GPRC5A: variants seen among roughly 807,000 people sequenced by gnomAD.
GPRC5A encodes G protein-coupled receptor class C group 5 member A, also known as retinoic acid-induced protein 3.
Under a neutral mutation model 22.5 loss-of-function variants are expected in GPRC5A, and 19 were observed. The ratio of observed to expected loss-of-function variants is 0.85; its 90% CI spans 0.59 to 1.24. The LOEUF is 1.24. Ranked by LOEUF, GPRC5A falls within the 50% of genes most tolerant of loss-of-function variation. The pLI, the probability that GPRC5A is intolerant of heterozygous loss-of-function variation, is 0.00. For synonymous variants in GPRC5A, 192 were observed against 184.5 expected (o/e 1.04, Z -0.33); for missense variants, 471 against 451.1 (o/e 1.04, Z -0.40).
rs7358554 is a variant in GPRC5A at position 12,899,599 on chromosome 12, G to T, written c.-8+7935G>T. Among the ~76,000 whole-genome samples the T allele has an allele frequency of 5.4e-3, 827 of 152,240 alleles. 9 individuals carry two copies. The highest frequency in any genetic ancestry group is 0.019 in the African/African-American group (775 of 41,532). On this transcript the variant is annotated intron_variant, in intron 1 of 3. Transcript: ENST00000014914. ...TGTAGGAATGTTAAATGAGGTAATG[G>T]ATGTAAAAGCATGTAAATGAGAGAA...
At chr12:12,906,794 C>T (rs1555105146) in intron 1 of GPRC5A, among the ~76,000 whole-genome samples, 1 of 152,034 alleles carries the variant, frequency 6.6e-6, no homozygotes, top group Non-Finnish European at 1.5e-5. Context: ...GTGGCTCACA[C>T]CTGTAATCCC....
intron 2 of GPRC5A, chr12:12,909,967 C>T (rs1055126538): frequency 7.2e-5 from 9 of 124,578 alleles, no homozygotes; most frequent in Non-Finnish European, 1.5e-4. Context: ...AAAAAAGAAT[C>T]AAGTGATTTT....
At chr12:12,898,365 C>T in intron 1 of GPRC5A, among the ~76,000 whole-genome samples, 1 of 152,084 alleles carries the variant, frequency 6.6e-6, no homozygotes, top group Non-Finnish European at 1.5e-5. Flanking sequence ...GAGACCCCAC[C>T]TCTACAAAAA....
At chr12:12,901,946 T>C (rs1218453290) in intron 1 of GPRC5A, among the ~76,000 whole-genome samples, 1 of 152,244 alleles carries the variant, frequency 6.6e-6, no homozygotes, top group East Asian at 1.9e-4. Context: ...TTCTCTTTCC[T>C]GCTCTAGCCC....
chr12:12,915,718 C>G lies in GPRC5A; in HGVS notation c.*3179C>G. 1 of 317,566 alleles carries G rather than the reference C, an allele frequency of 3.1e-6. No individual in the cohort carries two copies. Among genetic ancestry groups the G allele is most frequent in the South Asian group, 2.4e-5 (1 of 41,192 alleles). 19.7% of individuals were successfully genotyped at this position (317,566 alleles called of 1,614,324 possible). ...TATGGGCCAGGCAGATCTCGAACTC[C>G]AAACCTCGTGATCCACCTACCTTGG... On this transcript the variant is annotated 3_prime_UTR_variant, in exon 4 of 4. Transcript: ENST00000014914.
chr12:12,914,364 A>C lies in GPRC5A; in HGVS notation c.*1825A>C, dbSNP rs1352769376. 2.6e-5 allele frequency: 4 copies of C among 152,470 alleles called. No homozygotes were observed. The highest frequency in any genetic ancestry group is 2.0e-4 in the Admixed American group (3 of 15,266). The allele number at this position is 152,470 out of a possible 1,614,324, so 9.4% of individuals were successfully genotyped here. A position where few individuals can be genotyped will look rare whatever the true frequency, so the allele number is the denominator to read the frequency against. ...CTAAGATTAGCCTGGCTTTGTACTG[A>C]AAAGGGGGAAGGACACATAGTGACA... On this transcript the variant is annotated 3_prime_UTR_variant, in exon 4 of 4. Coordinates refer to ENST00000014914, the MANE Select transcript of GPRC5A (RefSeq NM_003979.4).
intron 1 of GPRC5A, among the ~76,000 whole-genome samples, chr12:12,897,259 T>C (rs1188256873): frequency 6.8e-6 from 1 of 146,166 alleles, no homozygotes; most frequent in Non-Finnish European, 1.5e-5. Flanking sequence ...GCCATAGGAT[T>C]AATAGTAATA....
At chr12:12,900,891 C>CAAAAAAAAAAAAA (rs756416857) in intron 1 of GPRC5A, among the ~76,000 whole-genome samples, 11 of 21,644 alleles carry the variant, frequency 5.1e-4, no homozygotes, top group South Asian at 2.1e-3. Flanking sequence ...AACTCCGTCT[C>CAAAAAAAAAAAAA]AAAAAAAAAA....
chr12:12,905,640 C>T (rs1249760323), intron 1 of GPRC5A, among the ~76,000 whole-genome samples: 1 of 152,158 alleles, frequency 6.6e-6, no homozygotes, highest in Non-Finnish European at 1.5e-5. Flanking sequence ...TGTGAGCCAC[C>T]TGTTTTGAGG....
At chr12:12,900,782 C>T (rs940133413) in intron 1 of GPRC5A, among the ~76,000 whole-genome samples, 10 of 148,796 alleles carry the variant, frequency 6.7e-5, no homozygotes, top group African/African-American at 9.9e-5. Flanking sequence ...CCCAGCCACT[C>T]GGGAGGCTGA....
chr12:12,908,605 T>G lies in GPRC5A; in HGVS notation c.356T>G (p.Leu119Arg). Residue 119 changes from leucine to arginine, a missense_variant, in exon 2 of 4, where the codon CTG becomes CGG. Physicochemically the swap from Leu to Arg is moderately radical, Grantham distance 102. Coordinates refer to ENST00000014914, the MANE Select transcript of GPRC5A (RefSeq NM_003979.4). Reference sequence around the variant, plus strand: ...TGCCTGCTGGCTCATGCTGTCAGTCTGACCAAGCTCGTCCGGGGGAGGAAG... The same window carrying G: ...TGCCTGCTGGCTCATGCTGTCAGTCGGACCAAGCTCGTCCGGGGGAGGAAG... The part of the protein sequence containing the change: ...FSCLLAHAVS[L>R]TKLVRGRKPL... The G allele has an allele frequency of 6.2e-7, 1 of 1,614,130 alleles. No individual in the cohort carries two copies. Among genetic ancestry groups the G allele is most frequent in the Non-Finnish European group, 8.5e-7 (1 of 1,179,996 alleles).
intron 1 of GPRC5A, among the ~76,000 whole-genome samples, chr12:12,896,651 G>C (rs1027112712): frequency 6.6e-6 from 1 of 152,164 alleles, no homozygotes; most frequent in Admixed American, 6.6e-5. Context: ...TTAGTCCAAA[G>C]CATTTGCTCA....
intron 1 of GPRC5A, among the ~76,000 whole-genome samples, chr12:12,899,291 G>A (rs536072474): frequency 2.0e-4 from 30 of 152,196 alleles, no homozygotes; most frequent in Non-Finnish European, 3.7e-4. Context: ...CCCATCTCTC[G>A]GCCTCTCAAA....
rs138254053 is a variant in GPRC5A at position 12,912,532 on chromosome 12, G to T, written c.1067G>T (p.Gly356Val). Residue 356 changes from glycine to valine, a missense_variant, in exon 4 of 4, where the codon GGC becomes GTC. Transcript: ENST00000014914. ...PYKDYEVKKE[G>V]S ...AAAGACTATGAAGTAAAGAAAGAGG[G>T]CAGCTAACTCTGTCCTGAAGAGTGG... 1.7e-5 allele frequency: 27 copies of T among 1,589,416 alleles called. No homozygotes were observed. Among genetic ancestry groups the T allele is most frequent in the Middle Eastern group, 3.3e-4 (2 of 6,016 alleles).
chr12:12,903,592 A>C (rs1863911486), intron 1 of GPRC5A, among the ~76,000 whole-genome samples: 1 of 152,204 alleles, frequency 6.6e-6, no homozygotes, highest in Non-Finnish European at 1.5e-5. Flanking sequence ...TGGCCTAAAT[A>C]ATGTTTAAAA....
chr12:12,901,985 G>A (rs1863892913), intron 1 of GPRC5A, among the ~76,000 whole-genome samples: 1 of 152,050 alleles, frequency 6.6e-6, no homozygotes, highest in African/African-American at 2.4e-5. Context: ...TGTTTCTCTA[G>A]CTCCAGACAG....
Position 12,908,539 on chromosome 12 carries a change from G to T in GPRC5A, c.290G>T (p.Arg97Leu). The change falls in exon 2 of 4, where the codon CGC becomes CTC. Residue 97 changes from arginine to leucine, a missense_variant. Physicochemically the swap from Arg to Leu is moderately radical, Grantham distance 102. Coordinates refer to ENST00000014914, the MANE Select transcript of GPRC5A (RefSeq NM_003979.4). Reference protein sequence around the residue: ...IGLDGSTGPTRFFLFGILFSI... With the variant: ...IGLDGSTGPTLFFLFGILFSI... ...CTGGACGGGAGCACAGGGCCCACAC[G>T]CTTCTTCCTCTTTGGGATCCTCTTT... 3 of 1,614,060 alleles carry T rather than the reference G, an allele frequency of 1.9e-6. No homozygotes were observed. The highest frequency in any genetic ancestry group is 1.7e-6 in the Non-Finnish European group (2 of 1,180,018).
chr12:12,893,734 TTTTTG>T (rs919829557), intron 1 of GPRC5A, among the ~76,000 whole-genome samples: 2 of 149,634 alleles, frequency 1.3e-5, no homozygotes, highest in Non-Finnish European at 3.0e-5. Context: ...AATAAAGTGA[TTTTTG>T]TTTTGTTTTG....
intron 1 of GPRC5A, among the ~76,000 whole-genome samples, chr12:12,893,911 G>A (rs964867214): frequency 4.6e-5 from 7 of 152,070 alleles, no homozygotes; most frequent in South Asian, 4.2e-4. Flanking sequence ...ACAGGCGCCC[G>A]CTACCACGCC....
Sources: allele counts gnomAD v4.1 joint callset (sites outside exome capture counted in the v4.1 genomes callset), GRCh38; gene constraint gnomAD v4.1.1; transcripts MANE v1.5; gene names NCBI Gene and HGNC (gene_info 2026-07-23, HGNC 2026-07-21).